Variants in USP25 observed in about 807,000 individuals in gnomAD.
USP25 encodes the protein ubiquitin specific peptidase 25.
In USP25, 85 loss-of-function variants were observed where a neutral mutation model predicts 158.5. The ratio of observed to expected loss-of-function variants is 0.54; its 90% CI spans 0.45 to 0.64. USP25 has a LOEUF of 0.64. USP25 is among the 30% of genes least tolerant of loss of function. The probability of loss-of-function intolerance (pLI) is 0.00; values close to 1 mark genes in which losing one functional copy is unlikely to be tolerated. For synonymous variants in USP25, 464 were observed against 460.4 expected (o/e 1.01, Z -0.10); for missense variants, 1,242 against 1,327.3 (o/e 0.94, Z 1.00).
chr21:15,814,464 T>TGG (rs1475171434), intron 9 of USP25, among the ~76,000 whole-genome samples: 1 of 152,128 alleles, frequency 6.6e-6, no homozygotes, highest in Non-Finnish European at 1.5e-5. Context: ...TAGGAAAATG[T>TGG]GGGAAAGTTT....
At chr21:15,759,526 G>A (rs142894499) in intron 1 of USP25, among the ~76,000 whole-genome samples, 1 of 152,314 alleles carries the variant, frequency 6.6e-6, no homozygotes, top group African/African-American at 2.4e-5. Flanking sequence ...TGGTCACAGG[G>A]TGGCTTCCAG....
In USP25 at chr21:15,762,917, G is replaced by A. The variant is rs1243318870; in HGVS notation, c.72G>A (p.Leu24=). The change falls in exon 2 of 26, where the codon CTG becomes CTA. Residue 24 remains leucine (L), a synonymous_variant. Transcript: ENST00000400183. ...ACCAGCAGACGTTTTTGAATCAACT[G>A]AGAGAAATTACGGGGATTAATGACA... ...QKHQQTFLNQ[L]REITGINDTQ... 1 of 1,612,818 alleles carries A rather than the reference G, an allele frequency of 6.2e-7. No individual in the cohort carries two copies. Among genetic ancestry groups the A allele is most frequent in the South Asian group, 1.1e-5 (1 of 90,920 alleles).
chr21:15,783,402 A>G (rs2035080811), intron 4 of USP25, among the ~76,000 whole-genome samples: 4 of 152,194 alleles, frequency 2.6e-5, no homozygotes, highest in Non-Finnish European at 5.9e-5. Context: ...AGTTATGGAC[A>G]TCTAGGAATG....
At chr21:15,786,439 C>T (rs1182184970) in intron 4 of USP25, among the ~76,000 whole-genome samples, 3 of 152,054 alleles carry the variant, frequency 2.0e-5, no homozygotes, top group Non-Finnish European at 4.4e-5. Context: ...CCACTATGAT[C>T]GAGATTCATC....
At chr21:15,730,976 GTTTT>G (rs748732727) in intron 1 of USP25, among the ~76,000 whole-genome samples, 19 of 53,646 alleles carry the variant, frequency 3.5e-4, no homozygotes, top group African/African-American at 1.0e-3. Context: ...CTTCTTTTCT[GTTTT>G]TTTTTTTTTT....
chr21:15,827,092 C>A lies in USP25; in HGVS notation c.1582C>A (p.Pro528Thr), dbSNP rs2037545979. The A allele has an allele frequency of 2.5e-6, 4 of 1,614,148 alleles. No homozygotes were observed. The highest frequency in any genetic ancestry group is 3.4e-6 in the Non-Finnish European group (4 of 1,180,028). Residue 528 changes from proline to threonine, a missense_variant, in exon 14 of 26, where the codon CCT (proline) becomes ACT (threonine). This residue lies in a region of USP25 where 627 missense variants were observed against 701.4 expected (regional missense o/e 0.89). Transcript: ENST00000400183. ...CAAACCATTTACTCAGTCCCGGATA[C>A]CTCCAGATTTGCCCATGCATCCGGC... ...IHKPFTQSRI[P>T]PDLPMHPAPR...
chr21:15,778,808 ACT>A (rs2123506914), intron 4 of USP25, among the ~76,000 whole-genome samples: 1 of 152,250 alleles, frequency 6.6e-6, no homozygotes, highest in Non-Finnish European at 1.5e-5. Context: ...GGCAGTGGTA[ACT>A]CTATGTTACT....
At chr21:15,856,719 C>CTT (rs2039165869) in intron 20 of USP25, among the ~76,000 whole-genome samples, 1 of 152,204 alleles carries the variant, frequency 6.6e-6, no homozygotes, top group African/African-American at 2.4e-5. Flanking sequence ...GATCCGCCTG[C>CTT]CTCGGCCTCC....
chr21:15,809,013 A>C (rs2036528672), intron 8 of USP25, 128 bp downstream of exon 8: 1 of 658,322 alleles, frequency 1.5e-6, no homozygotes, highest in Admixed American at 3.8e-5. Context: ...TATTATTGAC[A>C]AGCTGTTTAG....
intron 1 of USP25, chr21:15,744,283 T>A (rs1267545227): frequency 1.3e-5 from 2 of 152,564 alleles, no homozygotes; most frequent in African/African-American, 2.4e-5. Context: ...TTTTTGTCCA[T>A]CTTGGTGTTG....
rs2146319577 is a variant in USP25 at position 15,816,905 on chromosome 21, G to A, written c.932-1793G>A. On this transcript the variant is annotated intron_variant, in intron 9 of 25. Transcript: ENST00000400183. This position sits in a 1 kb window ranked among gnomAD's most constrained non-coding sequence, Gnocchi z 4.0. ...CCAGCACTTTGGGAGGCTGAGGCAG[G>A]TGGATCACTTGAGGTCAGGAGTTCG... Among the ~76,000 whole-genome samples the A allele has an allele frequency of 1.3e-5, 2 of 152,264 alleles. No individual in the cohort carries two copies. Among genetic ancestry groups the A allele is most frequent in the African/African-American group, 4.8e-5 (2 of 41,544 alleles).
chr21:15,756,261 G>A (rs1045946514), intron 1 of USP25, among the ~76,000 whole-genome samples: 4 of 152,112 alleles, frequency 2.6e-5, no homozygotes, highest in African/African-American at 9.7e-5. Flanking sequence ...GTCAGATAAG[G>A]GAACTTCAGA....
chr21:15,752,479 G>A (rs1475747250), intron 1 of USP25, among the ~76,000 whole-genome samples: 2 of 152,216 alleles, frequency 1.3e-5, no homozygotes, highest in Non-Finnish European at 2.9e-5. Flanking sequence ...CTCCCAAAGT[G>A]CTGGGATTAC....
rs1323358347 is a variant in USP25, at chr21:15,820,466, A to G, written c.1080+1620A>G. ...GGTTTTTTCATCTAGCCTAGGGAAT[A>G]TAATGATTTATGATGGTTCTCTATT... On this transcript the variant is annotated intron_variant, in intron 10 of 25. Coordinates refer to ENST00000400183, the MANE Select transcript of USP25 (RefSeq NM_001283041.3). Among the ~76,000 whole-genome samples, 3 of 144,958 alleles carry G rather than the reference A, an allele frequency of 2.1e-5. No individual in the cohort carries two copies. The East Asian group carries it at 5.8e-4, about 28-fold the overall frequency.
chr21:15,749,061 A>G (rs1430177885), intron 1 of USP25, among the ~76,000 whole-genome samples: 1 of 151,636 alleles, frequency 6.6e-6, no homozygotes, highest in African/African-American at 2.4e-5. Context: ...GTAAATGCCG[A>G]TATTTCCATG....
At chr21:15,870,791 A>G (rs2039853871) in intron 23 of USP25, among the ~76,000 whole-genome samples, 1 of 152,208 alleles carries the variant, frequency 6.6e-6, no homozygotes, top group Non-Finnish European at 1.5e-5. Context: ...TAAAAGGGAT[A>G]TTGAATTTTT....
chr21:15,767,417 G>A (rs1317643546), intron 3 of USP25, among the ~76,000 whole-genome samples: 1 of 151,886 alleles, frequency 6.6e-6, no homozygotes, highest in African/African-American at 2.4e-5. Context: ...CAGCATCCAG[G>A]GCATGCTTCT....
In USP25 at chr21:15,833,531, A is replaced by C; in HGVS notation, c.2177A>C (p.Glu726Ala). The change falls in exon 17 of 26, where the codon GAG (glutamate) becomes GCG (alanine). Residue 726 changes from glutamate to alanine, a missense_variant. By Grantham distance (107) the Glu-to-Ala change is moderately radical (BLOSUM62 -1). Transcript: ENST00000400183. ...LLASQKLRESETSVTTAQAAG... is the reference protein window; with the variant it reads ...LLASQKLRESATSVTTAQAAG... ...GCGTCTCAGAAATTGAGAGAGTCAGAGACTTCTGTGACAACAGGTTTGTCC... is the reference window on the plus strand; with the variant it reads ...GCGTCTCAGAAATTGAGAGAGTCAGCGACTTCTGTGACAACAGGTTTGTCC... The C allele has an allele frequency of 6.2e-7, 1 of 1,613,738 alleles. No homozygotes were observed. The highest frequency in any genetic ancestry group is 8.5e-7 in the Non-Finnish European group (1 of 1,179,838).
intron 20 of USP25, among the ~76,000 whole-genome samples, chr21:15,855,180 T>C (rs2039076207): frequency 6.6e-6 from 1 of 152,160 alleles, no homozygotes; most frequent in Non-Finnish European, 1.5e-5. Flanking sequence ...TGTAAAAATT[T>C]TGTCGGTATC....
Sources: gnomAD v4.1 joint callset for allele counts (sites outside exome capture counted in the v4.1 genomes callset) on GRCh38, gnomAD v4.1.1 for gene constraint, gnomAD v4.1.1 regional missense constraint, Gnocchi (gnomAD v3.1) non-coding constraint, MANE v1.5 for transcripts, NCBI Gene and HGNC (gene_info 2026-07-23, HGNC 2026-07-21) for gene names.